Variants in EEF2K observed in about 807,000 individuals in gnomAD.
The protein encoded by EEF2K is eukaryotic elongation factor 2 kinase, also known as alternative protein EEF2K.
A neutral mutation model predicts 93.8 loss-of-function variants in EEF2K; 70 were observed. That is an observed-to-expected ratio of 0.75 (90% CI 0.62 to 0.91). The LOEUF is 0.91. EEF2K is among the 40% of genes least tolerant of loss of function. The pLI is 0.00. For missense variants in EEF2K, 935 were observed against 972.9 expected (o/e 0.96, Z 0.52); for synonymous variants, 376 against 380.8 (o/e 0.99, Z 0.15).
chr16:22,280,512 G>C (rs1023758430), intron 17 of EEF2K, 136 bp downstream of exon 17: 3 of 1,038,260 alleles, frequency 2.9e-6, no homozygotes, highest in African/African-American at 3.3e-5. Flanking sequence ...TATGGAGCTA[G>C]TATGAAGATG....
At chr16:22,229,644 T>G (rs2047096837) in intron 2 of EEF2K, among the ~76,000 whole-genome samples, 1 of 152,126 alleles carries the variant, frequency 6.6e-6, no homozygotes, top group South Asian at 2.1e-4. Flanking sequence ...GAGGTTGCAG[T>G]GAGCCAAGAT....
At position 22,235,787 on chromosome 16, in the gene EEF2K, C is replaced by T. The variant is rs1030348548; in HGVS notation, c.247-8843C>T. ...TGTTGAGACTACAGGCGTGAGCCACCGCGTCTGGCCAGTTTGTTTGTTTTT... is the reference window on the plus strand; with the variant it reads ...TGTTGAGACTACAGGCGTGAGCCACTGCGTCTGGCCAGTTTGTTTGTTTTT... On this transcript the variant is annotated intron_variant, in intron 2 of 17. Transcript: ENST00000263026. 5.3e-5 allele frequency among the ~76,000 whole-genome samples: 8 copies of T among 150,236 alleles called. No homozygotes were observed. In the South Asian group the frequency reaches 8.5e-4, roughly 16 times the overall value.
At chr16:22,224,159 A>G (rs1205243265) in intron 1 of EEF2K, among the ~76,000 whole-genome samples, 1 of 152,268 alleles carries the variant, frequency 6.6e-6, no homozygotes, top group South Asian at 2.1e-4. Context: ...GTGAGCCGAG[A>G]TCATGCCACT....
At chr16:22,220,509 C>G (rs533028848) in intron 1 of EEF2K, among the ~76,000 whole-genome samples, 2 of 152,138 alleles carry the variant, frequency 1.3e-5, no homozygotes, top group East Asian at 3.9e-4. Context: ...GTGGCACAAT[C>G]TCAATTCACT....
rs1234804524 is a variant in EEF2K at position 22,214,287 on chromosome 16, C to A, written c.-77+7608C>A. On this transcript the variant is annotated intron_variant, in intron 1 of 17. Transcript: ENST00000263026. ...TGGAGGCCAGGTGCAGTAGCTCATG[C>A]ATGTAATCAACTTTGGGAGGTCGAG... Among the ~76,000 whole-genome samples the A allele has an allele frequency of 2.6e-5, 4 of 151,784 alleles. No individual in the cohort carries two copies. The East Asian group carries it at 7.8e-4, about 29-fold the overall frequency.
intron 17 of EEF2K, among the ~76,000 whole-genome samples, chr16:22,280,750 C>T (rs1567292647): frequency 6.6e-6 from 1 of 151,618 alleles, no homozygotes; most frequent in African/African-American, 2.4e-5. Context: ...CTGCAGCCTC[C>T]ACCTCCCGAG....
chr16:22,281,861 A>T (rs1011832283), intron 17 of EEF2K, among the ~76,000 whole-genome samples: 2 of 152,140 alleles, frequency 1.3e-5, no homozygotes, highest in African/African-American at 4.8e-5. Context: ...TACAGCCTTT[A>T]TCCATTCATC....
chr16:22,241,590 G>T (rs1445947833), intron 2 of EEF2K, among the ~76,000 whole-genome samples: 1 of 126,062 alleles, frequency 7.9e-6, no homozygotes, highest in African/African-American at 3.1e-5. Context: ...AGTGAGCTGA[G>T]ATCACCCCAC....
At chr16:22,244,268 A>AG (rs1567272767) in intron 2 of EEF2K, among the ~76,000 whole-genome samples, 2 of 114,590 alleles carry the variant, frequency 1.7e-5, no homozygotes, top group Non-Finnish European at 3.4e-5. Flanking sequence ...CTATATATGT[A>AG]TTGTGTGTGT....
At chr16:22,244,874 C>T in intron 3 of EEF2K, 144 bp downstream of exon 3, 1 of 792,920 alleles carries the variant, frequency 1.3e-6, no homozygotes, top group Non-Finnish European at 2.1e-6. Flanking sequence ...CTAATGCGTG[C>T]TTAAGGCCCG....
rs200745885 is a variant in EEF2K at position 22,263,134 on chromosome 16, G to A, written c.1324G>A (p.Gly442Arg). 265 of 1,612,288 alleles carry A rather than the reference G, an allele frequency of 1.6e-4. No individual in the cohort carries two copies. Among genetic ancestry groups the A allele is most frequent in the Non-Finnish European group, 2.0e-4 (234 of 1,179,166 alleles). The change falls in exon 12 of 18, where the codon GGA (glycine) becomes AGA (arginine). Residue 442 changes from glycine (G) to arginine (R), a missense_variant. By Grantham distance (125) the Gly-to-Arg change is moderately radical (BLOSUM62 -2). Coordinates refer to ENST00000263026, the MANE Select transcript of EEF2K (RefSeq NM_013302.5). ...HRESENSGDS[G>R]YPSEKRGELD... is the part of the protein sequence containing the mutation. ...GGAGTCTGAGAATAGTGGGGACAGC[G>A]GATACCCCAGTGAGAAGCGGGGTGA...
At chr16:22,244,104 C>T (rs990790363) in intron 2 of EEF2K, among the ~76,000 whole-genome samples, 4 of 151,596 alleles carry the variant, frequency 2.6e-5, no homozygotes, top group Non-Finnish European at 4.4e-5. Flanking sequence ...TGGCGGGCGC[C>T]TATAATCTCA....
intron 2 of EEF2K, among the ~76,000 whole-genome samples, chr16:22,228,379 T>C (rs887305061): frequency 3.3e-5 from 5 of 152,126 alleles, no homozygotes; most frequent in Non-Finnish European, 7.4e-5. Context: ...ATCCCAGCAC[T>C]TTGGGAGGCT....
intron 6 of EEF2K, among the ~76,000 whole-genome samples, chr16:22,251,792 A>G (rs2047354841): frequency 6.6e-6 from 1 of 151,498 alleles, no homozygotes. Context: ...CAAGTCATTT[A>G]TTTTATTTTT....
chr16:22,281,731 G>T (rs1402368616), intron 17 of EEF2K, among the ~76,000 whole-genome samples: 1 of 152,132 alleles, frequency 6.6e-6, no homozygotes, highest in African/African-American at 2.4e-5. Context: ...TATACAATTT[G>T]TGGCTTTTTG....
At chr16:22,244,523 T>TA (rs2047264721) in intron 2 of EEF2K, 107 bp from the exon 3 acceptor site, 1 of 1,048,476 alleles carries the variant, frequency 9.5e-7, no homozygotes, top group African/African-American at 1.6e-5. Flanking sequence ...TCTGTCCTGA[T>TA]ACTGTCTGCC....
At chr16:22,262,311 ACCAGCCTGG>A (rs2047473735) in intron 11 of EEF2K, among the ~76,000 whole-genome samples, 1 of 152,080 alleles carries the variant, frequency 6.6e-6, no homozygotes, top group Non-Finnish European at 1.5e-5. Context: ...GGAGTTTGAG[ACCAGCCTGG>A]CCAATATGGT....
intron 15 of EEF2K, among the ~76,000 whole-genome samples, chr16:22,267,345 C>G (rs949455647): frequency 6.6e-6 from 1 of 152,154 alleles, no homozygotes; most frequent in Admixed American, 6.5e-5. Context: ...GTAATCTCAG[C>G]ACTTTGGGAG....
intron 1 of EEF2K, among the ~76,000 whole-genome samples, chr16:22,213,516 G>GT (rs1362016656): frequency 6.6e-6 from 1 of 152,200 alleles, no homozygotes; most frequent in African/African-American, 2.4e-5. Context: ...ATTGCCCAAG[G>GT]TTGAGAGCTG....
Sources: gnomAD v4.1 joint callset for allele counts (sites outside exome capture counted in the v4.1 genomes callset) on GRCh38, gnomAD v4.1.1 for gene constraint, MANE v1.5 for transcripts, NCBI Gene and HGNC (gene_info 2026-07-23, HGNC 2026-07-21) for gene names.